Variants in CDK14 observed in about 807,000 individuals in gnomAD.
The protein encoded by CDK14 is cyclin-dependent kinase 14.
Under a neutral mutation model 60.7 loss-of-function variants are expected in CDK14, and 34 were observed. That is an observed-to-expected ratio of 0.56 (90% CI 0.43 to 0.75). CDK14 has a LOEUF of 0.75. Among genes scored for constraint, CDK14 ranks in the 30% least tolerant of loss-of-function variants. The probability of loss-of-function intolerance (pLI) is 0.00; values close to 1 mark genes in which losing one functional copy is unlikely to be tolerated. For missense variants in CDK14, 482 were observed against 564.1 expected (o/e 0.85, Z 1.47); for synonymous variants, 197 against 203.7 (o/e 0.97, Z 0.28).
intron 2 of CDK14, among the ~76,000 whole-genome samples, chr7:90,707,911 A>G (rs2116633452): frequency 6.6e-6 from 1 of 152,342 alleles, no homozygotes; most frequent in African/African-American, 2.4e-5. Flanking sequence ...GCATTCATTG[A>G]ATGCAGAGCA....
chr7:90,630,904 G>T (rs947040832), intron 2 of CDK14, among the ~76,000 whole-genome samples: 1 of 151,888 alleles, frequency 6.6e-6, no homozygotes, highest in African/African-American at 2.4e-5. Context: ...GTGTGTGTGT[G>T]TGTGTGTGTG....
chr7:90,943,973 T>C (rs1337801968), intron 8 of CDK14, among the ~76,000 whole-genome samples: 1 of 152,166 alleles, frequency 6.6e-6, no homozygotes, highest in Non-Finnish European at 1.5e-5. Context: ...ACTGGGTTAA[T>C]CCTCACAGGA....
At chr7:90,757,395 G>A (rs1804123338) in intron 4 of CDK14, among the ~76,000 whole-genome samples, 1 of 151,902 alleles carries the variant, frequency 6.6e-6, no homozygotes, top group Non-Finnish European at 1.5e-5. Context: ...AGGTGCTTGG[G>A]GTTAGAACTT....
intron 2 of CDK14, among the ~76,000 whole-genome samples, chr7:90,680,087 T>C (rs1387452458): frequency 8.0e-6 from 1 of 124,840 alleles, no homozygotes; most frequent in African/African-American, 2.9e-5. Flanking sequence ...GTTTAGTTTA[T>C]ATATATTTTT....
Position 91,209,407 on chromosome 7 carries a change from G to GTCTCTTTCTT in CDK14, c.*2281_*2290dup. 8.4e-6 allele frequency: 1 copy of GTCTCTTTCTT among 118,730 alleles called. No individual in the cohort carries two copies. Among genetic ancestry groups the GTCTCTTTCTT allele is most frequent in the South Asian group, 2.9e-4 (1 of 3,412 alleles). The allele number at this position is 118,730 out of a possible 1,614,324, so 7.4% of individuals were successfully genotyped here. The stretch of plus-strand genomic sequence containing the variant: ...CAAAGTTTGGTGTCTCTCTCTCTCT[G>GTCTCTTTCTT]TCTCTTTCTTTCTCTTTCTCCCCCC... On this transcript the variant is annotated 3_prime_UTR_variant, in exon 15 of 15. Coordinates refer to ENST00000380050, the MANE Select transcript of CDK14 (RefSeq NM_001287135.2).
At chr7:90,602,054 G>A (rs1352683990) in intron 1 of CDK14, among the ~76,000 whole-genome samples, 8 of 152,048 alleles carry the variant, frequency 5.3e-5, no homozygotes, top group Admixed American at 1.3e-4. Context: ...CGACCCATCC[G>A]CCTCAGCCTT....
At chr7:91,048,068 A>G (rs1041013791) in intron 11 of CDK14, among the ~76,000 whole-genome samples, 14 of 152,196 alleles carry the variant, frequency 9.2e-5, no homozygotes, top group Non-Finnish European at 1.9e-4. Context: ...AACTTTGTTT[A>G]ATTTTCTAAT....
chr7:90,786,327 A>G (rs924431851), intron 4 of CDK14, among the ~76,000 whole-genome samples: 1 of 152,130 alleles, frequency 6.6e-6, no homozygotes, highest in African/African-American at 2.4e-5. Flanking sequence ...CCTTCTATTC[A>G]TTAGCCTTTG....
chr7:90,893,016 G>C (rs1792186562), intron 6 of CDK14, among the ~76,000 whole-genome samples: 1 of 152,142 alleles, frequency 6.6e-6, no homozygotes, highest in African/African-American at 2.4e-5. Flanking sequence ...CTGACCTCGT[G>C]ATCTGCCTGC....
At chr7:90,994,682 T>G (rs939443803) in intron 10 of CDK14, among the ~76,000 whole-genome samples, 8 of 152,238 alleles carry the variant, frequency 5.3e-5, no homozygotes, top group Admixed American at 2.0e-4. Flanking sequence ...CTGCTTCCCG[T>G]GCTAAATATA....
At chr7:90,862,870 T>C (rs77741465) in intron 5 of CDK14, among the ~76,000 whole-genome samples, 30 of 152,190 alleles carry the variant, frequency 2.0e-4, no homozygotes, top group African/African-American at 7.2e-4. Flanking sequence ...TGAAAGAAGT[T>C]TTATCTGAAT....
intron 7 of CDK14, among the ~76,000 whole-genome samples, chr7:90,904,433 T>C (rs1180713589): frequency 6.6e-6 from 1 of 152,074 alleles, no homozygotes; most frequent in Non-Finnish European, 1.5e-5. Context: ...AACAAAAATG[T>C]GGTATTATTT....
intron 6 of CDK14, among the ~76,000 whole-genome samples, chr7:90,892,767 A>T (rs1792175391): frequency 6.6e-6 from 1 of 152,032 alleles, no homozygotes; most frequent in South Asian, 2.1e-4. Flanking sequence ...GGAAAAGAGG[A>T]TACTGGGTTT....
chr7:90,668,767 G>T (rs1162186135), intron 2 of CDK14, among the ~76,000 whole-genome samples: 2 of 137,586 alleles, frequency 1.5e-5, no homozygotes, highest in East Asian at 4.5e-4. Flanking sequence ...GGAGTGCAAT[G>T]GTGTGATCAT....
intron 8 of CDK14, among the ~76,000 whole-genome samples, chr7:90,931,707 T>C (rs1340797541): frequency 4.6e-5 from 7 of 152,174 alleles, no homozygotes. Context: ...ATACCATGCT[T>C]GGTTGGTTTA....
At chr7:90,677,039 C>CTTTGACATAGACCAT (rs1257470506) in intron 2 of CDK14, among the ~76,000 whole-genome samples, 1 of 151,658 alleles carries the variant, frequency 6.6e-6, no homozygotes, top group Non-Finnish European at 1.5e-5. Context: ...TTATATTTAA[C>CTTTGACATAGACCAT]TTTGACATAG....
chr7:90,981,031 A>C (rs1795214300), intron 9 of CDK14, among the ~76,000 whole-genome samples: 1 of 152,210 alleles, frequency 6.6e-6, no homozygotes, highest in South Asian at 2.1e-4. Context: ...TCAGAACTGC[A>C]GCTTATGGTG....
intron 4 of CDK14, among the ~76,000 whole-genome samples, chr7:90,770,219 CA>C (rs1244821094): frequency 1.3e-5 from 2 of 152,174 alleles, no homozygotes; most frequent in African/African-American, 4.8e-5. Flanking sequence ...ATGTTTTTAA[CA>C]AATTGTGTAT....
chr7:90,821,096 C>A (rs1789529411), intron 5 of CDK14, among the ~76,000 whole-genome samples: 1 of 152,076 alleles, frequency 6.6e-6, no homozygotes, highest in South Asian at 2.1e-4. Flanking sequence ...TTTTCTGGGC[C>A]CTTCTGATTA....
Sources: allele counts gnomAD v4.1 joint callset (sites outside exome capture counted in the v4.1 genomes callset), GRCh38; gene constraint gnomAD v4.1.1; transcripts MANE v1.5; gene names NCBI Gene and HGNC (gene_info 2026-07-23, HGNC 2026-07-21).